TAF6L: variants seen among roughly 807,000 people sequenced by gnomAD.
The protein encoded by TAF6L is TAF6-like RNA polymerase II p300/CBP-associated factor-associated factor 65 kDa subunit 6L.
In TAF6L, 34 loss-of-function variants were observed where a neutral mutation model predicts 57.3. The ratio of observed to expected loss-of-function variants is 0.59; its 90% CI spans 0.45 to 0.79. The LOEUF is 0.79. TAF6L is among the 30% of genes least tolerant of loss of function. The pLI is 0.00. For missense variants in TAF6L, 782 were observed against 853.2 expected (o/e 0.92, Z 1.04); for synonymous variants, 417 against 376.3 (o/e 1.11, Z -1.25).
intron 1 of TAF6L, chr11:62,772,132 C>T: frequency 2.2e-6 from 1 of 456,160 alleles, no homozygotes; most frequent in Non-Finnish European, 4.4e-6. Flanking sequence ...GATTTCCTTG[C>T]CTGTGAAATA....
Position 62,776,434 on chromosome 11 carries a change from G to C in TAF6L, c.198G>C (p.Glu66Asp). ...KHTKRRKLTV[E>D]DFNRALRWSS... ...CCAAACGCCGGAAGCTGACGGTTGA[G>C]GACTTCAACAGGGCCCTCAGATGGA... is the stretch of plus-strand genomic sequence containing the variant. The change falls in exon 3 of 11, where the codon GAG (glutamate) becomes GAC (aspartate). Residue 66 changes from glutamate (E) to aspartate (D), a missense_variant. This residue lies in a region of TAF6L where 220 missense variants were observed against 252.1 expected (regional missense o/e 0.87). Transcript: ENST00000294168. 6.2e-7 allele frequency: 1 copy of C among 1,613,854 alleles called. No individual in the cohort carries two copies. The highest frequency in any genetic ancestry group is 1.1e-5 in the South Asian group (1 of 91,090).
At position 62,787,123 on chromosome 11, in the gene TAF6L, G is replaced by A. The variant is rs1218941968; in HGVS notation, c.1696G>A (p.Gly566Arg). The A allele has an allele frequency of 6.4e-7, 1 of 1,557,948 alleles. No individual in the cohort carries two copies. The change falls in exon 11 of 11, where the codon GGG (glycine) becomes AGG (arginine). Residue 566 changes from glycine to arginine, a missense_variant. By Grantham distance (125) the Gly-to-Arg change is moderately radical. Around this residue, in one of 3 missense-constraint regions of TAF6L, gnomAD observed 483 missense variants for 445.1 expected, o/e 1.09. Transcript: ENST00000294168. ...GAPHFRFIIA[G>R]RQAGRRCRGR... Reference sequence around the variant, plus strand: ...CCCGCACTTTCGTTTCATCATAGCCGGGCGGCAGGCTGGGAGGCGCTGCCG... The same window carrying A: ...CCCGCACTTTCGTTTCATCATAGCCAGGCGGCAGGCTGGGAGGCGCTGCCG...
In TAF6L at chr11:62,786,659, C is replaced by T; in HGVS notation, c.1232C>T (p.Ala411Val). 6.2e-7 allele frequency: 1 copy of T among 1,610,836 alleles called. No homozygotes were observed. The highest frequency in any genetic ancestry group is 1.7e-4 in the Middle Eastern group (1 of 6,034). The change falls in exon 11 of 11, where the codon GCA becomes GTA. Residue 411 changes from alanine to valine, a missense_variant. Physicochemically the swap from Ala to Val is moderately conservative, Grantham distance 64. Around this residue, in one of 3 missense-constraint regions of TAF6L, gnomAD observed 483 missense variants for 445.1 expected, o/e 1.09. Transcript: ENST00000294168. ...LFQESSSGGG[A>V]EPSFGSGLPL... ...CAAGAGTCGTCCTCCGGGGGCGGTG[C>T]AGAACCCAGCTTTGGGTCCGGCCTC... is the stretch of plus-strand genomic sequence containing the variant.
rs1029893984 is a variant in TAF6L, at chr11:62,776,317, C to A, written c.148-67C>A. The stretch of plus-strand genomic sequence containing the variant: ...GCCTTCTCTCCAGTCTGGCCCACTT[C>A]ATTTGGGGTTTCCCATGCCCCCTGC... On this transcript the variant is annotated intron_variant, in intron 2 of 10. Transcript: ENST00000294168. 48 of 1,532,348 alleles carry A rather than the reference C, an allele frequency of 3.1e-5. 1 individual carries two copies. The highest frequency in any genetic ancestry group is 2.4e-4 in the South Asian group (21 of 88,762). The allele number at this position is 1,532,348 out of a possible 1,614,324, so 94.9% of individuals were successfully genotyped here. A position where few individuals can be genotyped will look rare whatever the true frequency, so the allele number is the denominator to read the frequency against.
At chr11:62,782,962 C>T (rs1340571332) in intron 9 of TAF6L, 137 bp downstream of exon 9, 8 of 1,293,406 alleles carry the variant, frequency 6.2e-6, no homozygotes, top group East Asian at 2.5e-5. Flanking sequence ...AGGCCAGGCT[C>T]AGTGATACTT....
intron 5 of TAF6L, 191 bp from the exon 6 acceptor site, chr11:62,778,678 G>T: frequency 1.6e-6 from 1 of 623,924 alleles, no homozygotes; most frequent in East Asian, 2.7e-5. Flanking sequence ...ACAGGACAGA[G>T]CACAGAGGTG....
intron 9 of TAF6L, among the ~76,000 whole-genome samples, chr11:62,785,243 G>A (rs1046802639): frequency 2.0e-5 from 3 of 151,600 alleles, no homozygotes; most frequent in Non-Finnish European, 4.4e-5. Flanking sequence ...CCAGGCTGGA[G>A]TGCAATGGCG....
rs1377928934 is a variant in TAF6L, at chr11:62,787,092, C to T, written c.1665C>T (p.Arg555=). The change falls in exon 11 of 11, where the codon CGC becomes CGT. Residue 555 remains arginine (R), a synonymous_variant. Transcript: ENST00000294168. ...TCCAGAAGAGCCGTTTCGCCCCGCG[C>T]GGCGCCCCGCACTTTCGTTTCATCA... ...DVFQKSRFAP[R]GAPHFRFIIA... 4 of 1,539,720 alleles carry T rather than the reference C, an allele frequency of 2.6e-6. No individual in the cohort carries two copies. The highest frequency in any genetic ancestry group is 2.5e-5 in the East Asian group (1 of 40,426).
chr11:62,780,658 G>A (rs951861198), intron 6 of TAF6L, among the ~76,000 whole-genome samples: 20 of 152,134 alleles, frequency 1.3e-4, no homozygotes, highest in East Asian at 3.9e-4. Context: ...GGCTGGGTGC[G>A]GTGGTTCACG....
intron 9 of TAF6L, among the ~76,000 whole-genome samples, chr11:62,784,757 A>G (rs544975033): frequency 5.3e-5 from 8 of 152,200 alleles, no homozygotes; most frequent in Non-Finnish European, 1.0e-4. Context: ...TCCATGATAC[A>G]CTAAACTATG....
In TAF6L at chr11:62,776,428, G is replaced by A. The variant is rs1247532869; in HGVS notation, c.192G>A (p.Thr64=). The A allele has an allele frequency of 6.2e-6, 10 of 1,613,822 alleles. No individual in the cohort carries two copies. The highest frequency in any genetic ancestry group is 4.4e-5 in the South Asian group (4 of 91,068). The change falls in exon 3 of 11, where the codon ACG becomes ACA. Residue 64 remains threonine, a synonymous_variant. Transcript: ENST00000294168. ...AGCACACCAAACGCCGGAAGCTGACGGTTGAGGACTTCAACAGGGCCCTCA... is the reference window on the plus strand; with the variant it reads ...AGCACACCAAACGCCGGAAGCTGACAGTTGAGGACTTCAACAGGGCCCTCA... ...FMKHTKRRKL[T]VEDFNRALRW...
chr11:62,775,018 C>G (rs997600158), intron 1 of TAF6L, among the ~76,000 whole-genome samples: 1 of 148,892 alleles, frequency 6.7e-6, no homozygotes, highest in Non-Finnish European at 1.5e-5. Flanking sequence ...GAGCTGAGAT[C>G]GCGCTGCTAC....
intron 3 of TAF6L, 95 bp from the exon 4 acceptor site, chr11:62,777,883 G>C: frequency 7.0e-7 from 1 of 1,418,594 alleles, no homozygotes; most frequent in Non-Finnish European, 9.5e-7. Flanking sequence ...CTTCAAACGT[G>C]GGCTCTCTGC....
intron 5 of TAF6L, 63 bp downstream of exon 5, chr11:62,778,398 G>A: frequency 6.4e-7 from 1 of 1,572,978 alleles, no homozygotes; most frequent in Non-Finnish European, 8.7e-7. Flanking sequence ...TCTGAGGGTG[G>A]TGCCTATGTG....
intron 6 of TAF6L, among the ~76,000 whole-genome samples, chr11:62,779,976 A>ATTTTTTTTTTT (rs1277954265): frequency 1.1e-4 from 6 of 52,626 alleles, no homozygotes; most frequent in South Asian, 6.2e-4. Context: ...ATATATATAT[A>ATTTTTTTTTTT]TTTTTTTTTT....
intron 1 of TAF6L, among the ~76,000 whole-genome samples, chr11:62,775,186 C>A (rs1036120741): frequency 6.6e-6 from 1 of 151,998 alleles, no homozygotes; most frequent in African/African-American, 2.4e-5. Flanking sequence ...ACATGTCTTT[C>A]TTCATGTGGC....
At chr11:62,779,023 T>C in intron 6 of TAF6L, 60 bp downstream of exon 6, 3 of 1,359,648 alleles carry the variant, frequency 2.2e-6, no homozygotes, top group Non-Finnish European at 3.1e-6. Context: ...AGACCTGTTT[T>C]TTTTTTTTTT....
At position 62,776,626 on chromosome 11, in the gene TAF6L, G is replaced by A. The variant is rs893140665; in HGVS notation, c.234+156G>A. Among the ~76,000 whole-genome samples, 7 of 152,206 alleles carry A rather than the reference G, an allele frequency of 4.6e-5. No homozygotes were observed. In the South Asian group the frequency reaches 6.2e-4, roughly 14 times the overall value. ...AGCACTTTGGGAGGCCGAGGTGGGC[G>A]GATCACTTGAGGCCAGGACTTCAAG... On this transcript the variant is annotated intron_variant, in intron 3 of 10. Transcript: ENST00000294168.
At chr11:62,777,732 G>A (rs2084197361) in intron 3 of TAF6L, among the ~76,000 whole-genome samples, 2 of 152,162 alleles carry the variant, frequency 1.3e-5, no homozygotes, top group African/African-American at 4.8e-5. Flanking sequence ...GCTTGGTGTG[G>A]GGCTCAGGAC....
Sources: gnomAD v4.1 joint callset for allele counts (sites outside exome capture counted in the v4.1 genomes callset) on GRCh38, gnomAD v4.1.1 for gene constraint, gnomAD v4.1.1 regional missense constraint, MANE v1.5 for transcripts, NCBI Gene and HGNC (gene_info 2026-07-23, HGNC 2026-07-21) for gene names.